Variants in ATP2C2 observed in about 807,000 individuals in gnomAD.
ATP2C2 encodes the protein ATPase secretory pathway Ca2+ transporting 2, also known as calcium-transporting ATPase type 2C member 2.
A neutral mutation model predicts 110.8 loss-of-function variants in ATP2C2; 171 were observed. The observed-to-expected ratio is 1.54, with a 90% CI of 1.36 to 1.75. ATP2C2 has a LOEUF of 1.75. ATP2C2 is among the 40% of genes most tolerant of loss of function. The pLI is 0.00. For synonymous variants in ATP2C2, 804 were observed against 508.4 expected (o/e 1.58, Z -7.82); for missense variants, 1,963 against 1,235.0 (o/e 1.59, Z -8.84).
intron 20 of ATP2C2, among the ~76,000 whole-genome samples, chr16:84,453,705 C>T (rs550713672): frequency 2.7e-4 from 41 of 152,128 alleles, no homozygotes; most frequent in Non-Finnish European, 5.4e-4. Context: ...TGGGCGGACA[C>T]GAGCCCCACC....
intron 21 of ATP2C2, 120 bp from the exon 22 acceptor site, chr16:84,459,000 C>G (rs895014809): frequency 1.8e-5 from 20 of 1,091,682 alleles, no homozygotes; most frequent in Admixed American, 5.7e-5. Context: ...GGGGAACCAG[C>G]AGGGGCCCAA....
rs145971369 is a variant in ATP2C2, at chr16:84,396,967, C to T, written c.100-1532C>T. 1.8e-4 allele frequency among the ~76,000 whole-genome samples: 28 copies of T among 151,832 alleles called. 1 individual carries two copies. In the East Asian group the frequency reaches 3.7e-3, roughly 20 times the overall value. On this transcript the variant is annotated intron_variant, in intron 1 of 26. Transcript: ENST00000262429. ...GGAGATGGTTTGGGGTTGGGGAGGG[C>T]GGCTGTCAAGAAGGAAGAGTGGGAT...
intron 3 of ATP2C2, 46 bp downstream of exon 3, chr16:84,405,290 C>T (rs370926576): frequency 6.7e-6 from 10 of 1,499,958 alleles, no homozygotes; most frequent in Admixed American, 3.5e-5. Context: ...CATAAGCCAG[C>T]GAGGGTGGGG....
chr16:84,413,159 T>A (rs951204644), intron 6 of ATP2C2, among the ~76,000 whole-genome samples: 4 of 151,472 alleles, frequency 2.6e-5, no homozygotes, highest in African/African-American at 4.9e-5. Flanking sequence ...CAGCCCACCC[T>A]CTGAGTCTCC....
At chr16:84,405,400 C>T (rs1905674569) in intron 3 of ATP2C2, among the ~76,000 whole-genome samples, 156 bp downstream of exon 3, 1 of 152,180 alleles carries the variant, frequency 6.6e-6, no homozygotes, top group Non-Finnish European at 1.5e-5. Flanking sequence ...ATGAGCAAAT[C>T]ACCAACTCCC....
At chr16:84,405,516 ATCC>A (rs1905688210) in intron 3 of ATP2C2, among the ~76,000 whole-genome samples, 1 of 152,174 alleles carries the variant, frequency 6.6e-6, no homozygotes, top group South Asian at 2.1e-4. Context: ...GCGCTTACTA[ATCC>A]TCCTCCTAAT....
At chr16:84,436,075 G>A (rs1026179478) in intron 11 of ATP2C2, among the ~76,000 whole-genome samples, 1 of 152,176 alleles carries the variant, frequency 6.6e-6, no homozygotes, top group Admixed American at 6.5e-5. Context: ...GTTGCAGTGA[G>A]CTGAGACTGC....
intron 11 of ATP2C2, 96 bp downstream of exon 11, chr16:84,425,897 G>A: frequency 1.5e-5 from 22 of 1,439,878 alleles, no homozygotes; most frequent in Non-Finnish European, 2.1e-5. Flanking sequence ...CTGCAGAATA[G>A]GAAGGGTTGG....
chr16:84,408,824 G>C (rs1906016421), intron 4 of ATP2C2, among the ~76,000 whole-genome samples: 1 of 151,752 alleles, frequency 6.6e-6, no homozygotes, highest in Non-Finnish European at 1.5e-5. Context: ...CAACACCTTT[G>C]ATCCATTACC....
intron 1 of ATP2C2, among the ~76,000 whole-genome samples, chr16:84,391,062 C>T (rs940773795): frequency 2.3e-4 from 30 of 128,898 alleles, no homozygotes; most frequent in African/African-American, 8.0e-4. Context: ...TGCAGTGAGC[C>T]GAGATCACAC....
At position 84,459,251 on chromosome 16, in the gene ATP2C2, G is replaced by GGCT. The variant is rs772393412; in HGVS notation, c.2217-16_2217-14dup. 33 of 1,614,034 alleles carry GGCT rather than the reference G, an allele frequency of 2.0e-5. No individual in the cohort carries two copies. In the South Asian group the frequency reaches 3.0e-4, roughly 14 times the overall value. On this transcript the variant is annotated intron_variant, in intron 22 of 26. Transcript: ENST00000262429. ...CACGCCTGGCGGGCGGCCGCTGACT[G>GGCT]GCTGCGTGTGCCCCGCAGGAGCATC...
At chr16:84,421,683 C>G (rs191430047) in intron 7 of ATP2C2, among the ~76,000 whole-genome samples, 1 of 152,254 alleles carries the variant, frequency 6.6e-6, no homozygotes, top group Admixed American at 6.5e-5. Context: ...TTAAGAGTAT[C>G]GTTTCTGGAA....
At chr16:84,376,726 C>T (rs759711614) in intron 1 of ATP2C2, among the ~76,000 whole-genome samples, 4 of 152,162 alleles carry the variant, frequency 2.6e-5, no homozygotes, top group Non-Finnish European at 4.4e-5. Context: ...GATGCCAAGC[C>T]CCGGGCACAC....
In ATP2C2 at chr16:84,440,848, G is replaced by A. The variant is rs373169084; in HGVS notation, c.1210-9G>A. ...TTGGCGAAACCCTTTCTTCTGCCTC[G>A]CCCTGCAGGTCAGCGGAGTTGGGTA... On this transcript the variant is annotated splice_polypyrimidine_tract_variant and intron_variant, in intron 13 of 26. Coordinates refer to ENST00000262429, the MANE Select transcript of ATP2C2 (RefSeq NM_014861.4). 22 of 1,608,102 alleles carry A rather than the reference G, an allele frequency of 1.4e-5. No homozygotes were observed. Among genetic ancestry groups the A allele is most frequent in the East Asian group, 1.1e-4 (5 of 44,844 alleles).
At chr16:84,455,072 G>GGC (rs1003096826) in intron 21 of ATP2C2, 88 bp downstream of exon 21, 5 of 1,524,680 alleles carry the variant, frequency 3.3e-6, no homozygotes, top group South Asian at 1.2e-5. Flanking sequence ...GGAGATAGAG[G>GGC]GGGGGGTCTC....
rs374333606 is a variant in ATP2C2 at position 84,410,693 on chromosome 16, C to T, written c.454-11C>T. On this transcript the variant is annotated splice_polypyrimidine_tract_variant and intron_variant, in intron 5 of 26. Transcript: ENST00000262429. ...ACCTTTAAACAGCACATCTGATGTG[C>T]TTCCTGCCAGGAGTACAGGTCGGAG... 8 of 1,614,006 alleles carry T rather than the reference C, an allele frequency of 5.0e-6. No homozygotes were observed. In the African/African-American group the frequency reaches 1.1e-4, roughly 22 times the overall value.
At chr16:84,374,507 T>C (rs1229601769) in intron 1 of ATP2C2, among the ~76,000 whole-genome samples, 1 of 152,176 alleles carries the variant, frequency 6.6e-6, no homozygotes, top group Non-Finnish European at 1.5e-5. Context: ...CTCCTGAGAA[T>C]ACGTCTGAAG....
intron 6 of ATP2C2, among the ~76,000 whole-genome samples, chr16:84,413,268 G>C (rs1235268069): frequency 1.3e-5 from 2 of 152,138 alleles, no homozygotes; most frequent in Non-Finnish European, 2.9e-5. Context: ...GGCACATGTT[G>C]TGCAACTGAG....
At position 84,413,390 on chromosome 16, in the gene ATP2C2, T is replaced by C. The variant is rs141000907; in HGVS notation, c.516-2093T>C. Among the ~76,000 whole-genome samples the C allele has an allele frequency of 3.2e-4, 49 of 151,880 alleles. 1 individual carries two copies. In the East Asian group the frequency reaches 9.3e-3, roughly 29 times the overall value. On this transcript the variant is annotated intron_variant, in intron 6 of 26. Transcript: ENST00000262429. ...AGGCGGAGAATGACGAAGGACCAAA[T>C]AGGGACAAGAAGAGGATGATACAGA...
Sources: gnomAD v4.1 joint callset for allele counts (sites outside exome capture counted in the v4.1 genomes callset) on GRCh38, gnomAD v4.1.1 for gene constraint, MANE v1.5 for transcripts, NCBI Gene and HGNC (gene_info 2026-07-23, HGNC 2026-07-21) for gene names.